ARNT2: variants seen among roughly 807,000 people sequenced by gnomAD.
ARNT2 encodes the protein ARNT protein 2.
ARNT2 carries 36 observed loss-of-function variants against 91.7 expected under a neutral mutation model. The observed-to-expected ratio is 0.39, with a 90% CI of 0.30 to 0.52. The LOEUF is 0.52. Among genes scored for constraint, ARNT2 ranks in the 20% least tolerant of loss-of-function variants. The pLI is 0.72. For missense variants in ARNT2, 775 were observed against 939.3 expected, an observed-to-expected ratio of 0.83 and a Z score of 2.29; for synonymous variants, 365 against 347.1, an observed-to-expected ratio of 1.05 and a Z score of -0.57.
At chr15:80,587,052 T>C (rs1165126942) in intron 17 of ARNT2, among the ~76,000 whole-genome samples, 1 of 152,106 alleles carries the variant, frequency 6.6e-6, no homozygotes, top group East Asian at 1.9e-4. Context: ...CAGTGAATTA[T>C]GGGGAATTAT....
At chr15:80,462,938 C>T (rs1896582889) in intron 3 of ARNT2, among the ~76,000 whole-genome samples, 1 of 152,148 alleles carries the variant, frequency 6.6e-6, no homozygotes, top group South Asian at 2.1e-4. Flanking sequence ...CATTTTCCCC[C>T]CTGGCTTTAT....
At position 80,508,178 on chromosome 15, in the gene ARNT2, T is replaced by A; in HGVS notation, c.645T>A (p.Thr215=). The change falls in exon 6 of 19, where the codon ACT becomes ACA. Residue 215 remains threonine, a synonymous_variant. Transcript: ENST00000303329. ...TAGGCCGGATCTTGGACCTGAAGAC[T>A]GGGACGGTCAAGAAAGAAGGGCAGC... is the stretch of plus-strand genomic sequence containing the variant. The part of the protein sequence containing the change: ...SMTGRILDLK[T]GTVKKEGQQS... 1.2e-6 allele frequency: 2 copies of A among 1,614,130 alleles called. No homozygotes were observed. The highest frequency in any genetic ancestry group is 1.7e-6 in the Non-Finnish European group (2 of 1,179,992).
intron 8 of ARNT2, among the ~76,000 whole-genome samples, chr15:80,537,643 G>A (rs1189371398): frequency 6.6e-6 from 1 of 152,168 alleles, no homozygotes; most frequent in African/African-American, 2.4e-5. Flanking sequence ...CGCCTGCCAT[G>A]CCTGACCTGG....
intron 16 of ARNT2, 150 bp from the exon 17 acceptor site, chr15:80,581,089 C>A: frequency 2.1e-6 from 2 of 953,396 alleles, no homozygotes; most frequent in Non-Finnish European, 3.2e-6. Context: ...CGGGCTGATC[C>A]CAGGCCTGTG....
intron 5 of ARNT2, among the ~76,000 whole-genome samples, chr15:80,496,142 T>C (rs1286564461): frequency 6.6e-6 from 1 of 152,306 alleles, no homozygotes; most frequent in East Asian, 1.9e-4. Context: ...CTACCCAGTC[T>C]CTACACATTT....
In ARNT2 at chr15:80,580,251, G is replaced by T. The variant is rs111949547; in HGVS notation, c.1614-160G>T. 4.7e-4 allele frequency: 433 copies of T among 920,948 alleles called. 4 individuals are homozygous for T. In the African/African-American group the frequency reaches 6.0e-3, roughly 13 times the overall value. 57.0% of individuals were successfully genotyped at this position (920,948 alleles called of 1,614,324 possible). ...GAAGGGAGAGGAGGACGGCCAAGGG[G>T]CTTTGAGGCTCACGATGTGTGAGTC... On this transcript the variant is annotated intron_variant, in intron 15 of 18. Transcript: ENST00000303329.
intron 17 of ARNT2, among the ~76,000 whole-genome samples, chr15:80,586,938 G>T (rs1464379539): frequency 6.6e-6 from 1 of 152,068 alleles, no homozygotes; most frequent in African/African-American, 2.4e-5. Context: ...CTAAGCACAG[G>T]CAGGGAGCCA....
At chr15:80,577,435 G>C (rs1898697073) in intron 15 of ARNT2, among the ~76,000 whole-genome samples, 1 of 152,218 alleles carries the variant, frequency 6.6e-6, no homozygotes, top group South Asian at 2.1e-4. Flanking sequence ...CCAAGGGTTG[G>C]TTCTTAGCAT....
intron 1 of ARNT2, among the ~76,000 whole-genome samples, chr15:80,410,785 TATCTATCTATCTATC>T (rs1895670026): frequency 6.6e-6 from 1 of 151,624 alleles, no homozygotes; most frequent in Admixed American, 6.6e-5. Context: ...TCTATCTATC[TATCTATCTATCTATC>T]TATCTATCTA....
At chr15:80,500,101 A>C (rs1035633551) in intron 5 of ARNT2, among the ~76,000 whole-genome samples, 1 of 152,222 alleles carries the variant, frequency 6.6e-6, no homozygotes, top group Non-Finnish European at 1.5e-5. Context: ...TCCCAGGTTC[A>C]CTGACACAGC....
intron 1 of ARNT2, among the ~76,000 whole-genome samples, chr15:80,410,655 A>G (rs920278754): frequency 6.6e-6 from 1 of 152,166 alleles, no homozygotes; most frequent in East Asian, 1.9e-4. Context: ...CAATGCTTGC[A>G]TTTACTGCTT....
chr15:80,425,948 A>G (rs1895926549), intron 1 of ARNT2, among the ~76,000 whole-genome samples: 1 of 152,178 alleles, frequency 6.6e-6, no homozygotes, highest in Admixed American at 6.5e-5. Context: ...ACTACTGTGC[A>G]GAGTGAGGGG....
intron 1 of ARNT2, among the ~76,000 whole-genome samples, chr15:80,414,550 G>A (rs1345270234): frequency 2.6e-5 from 4 of 152,266 alleles, no homozygotes; most frequent in Non-Finnish European, 4.4e-5. Flanking sequence ...TATGAAATCC[G>A]TGATGGAAGT....
chr15:80,564,394 G>T (rs960359060), intron 12 of ARNT2, among the ~76,000 whole-genome samples: 4 of 152,000 alleles, frequency 2.6e-5, no homozygotes, highest in African/African-American at 9.7e-5. Flanking sequence ...TCCCATCTGG[G>T]CCCCACAAAG....
chr15:80,551,134 A>G, intron 8 of ARNT2, 65 bp from the exon 9 acceptor site: 1 of 1,494,658 alleles, frequency 6.7e-7, no homozygotes, highest in Non-Finnish European at 9.3e-7. Context: ...AAAATCGTGG[A>G]CACTTTTCTT....
At chr15:80,518,277 C>CTTTTTTTTT (rs56726705) in intron 8 of ARNT2, among the ~76,000 whole-genome samples, 32 of 89,374 alleles carry the variant, frequency 3.6e-4, no homozygotes, top group African/African-American at 9.2e-4. Flanking sequence ...TTTTTCTATT[C>CTTTTTTTTT]TTTTTTTTTT....
rs1896786583 is a variant in ARNT2, at chr15:80,475,351, A to G, written c.622+128A>G. ...GGGTGGATCACGAGGTCAGGAGATCAAGACCATCCTGGCTAACATGGTGAA... is the reference window on the plus strand; with the variant it reads ...GGGTGGATCACGAGGTCAGGAGATCGAGACCATCCTGGCTAACATGGTGAA... On this transcript the variant is annotated intron_variant, in intron 5 of 18. Transcript: ENST00000303329. The G allele has an allele frequency of 1.5e-5, 14 of 921,012 alleles. No individual in the cohort carries two copies. In the South Asian group the frequency reaches 2.1e-4, roughly 14 times the overall value. 57.1% of individuals were successfully genotyped at this position (921,012 alleles called of 1,614,324 possible).
In ARNT2 at chr15:80,580,490, C is replaced by T. The variant is rs2141480468; in HGVS notation, c.1693C>T (p.Arg565Trp). Residue 565 changes from arginine to tryptophan, a missense_variant, in exon 16 of 19, where the codon CGG becomes TGG. Around this residue, in one of 5 missense-constraint regions of ARNT2, gnomAD observed 325 missense variants for 359.9 expected, o/e 0.90. Transcript: ENST00000303329. ...GGGCCAGAACATGTCCCAAATCTCC[C>T]GGCAGCTAAACCAGAGTCAGGTGGC... ...STGQNMSQIS[R>W]QLNQSQVAWT... 6.2e-7 allele frequency: 1 copy of T among 1,614,176 alleles called. No homozygotes were observed. The highest frequency in any genetic ancestry group is 8.5e-7 in the Non-Finnish European group (1 of 1,180,040).
chr15:80,542,338 G>GC (rs1897921388), intron 8 of ARNT2, among the ~76,000 whole-genome samples: 1 of 152,110 alleles, frequency 6.6e-6, no homozygotes, highest in African/African-American at 2.4e-5. Flanking sequence ...GTATCTTAGG[G>GC]CCCCCATCAA....
Sources: gnomAD v4.1 joint callset for allele counts (sites outside exome capture counted in the v4.1 genomes callset) on GRCh38, gnomAD v4.1.1 for gene constraint, gnomAD v4.1.1 regional missense constraint, MANE v1.5 for transcripts, NCBI Gene and HGNC (gene_info 2026-07-23, HGNC 2026-07-21) for gene names.